Variants in HTATIP2 observed in about 807,000 individuals in gnomAD.
The protein encoded by HTATIP2 is HIV-1 Tat interactive protein 2.
HTATIP2 carries 26 observed loss-of-function variants against 24.7 expected under a neutral mutation model. The observed-to-expected ratio is 1.05, with a 90% CI of 0.77 to 1.46. The LOEUF is 1.46. HTATIP2 is among the 40% of genes most tolerant of loss of function. HTATIP2 has a pLI of 0.00. For missense variants in HTATIP2, 284 were observed against 289.6 expected (o/e 0.98, Z 0.14); for synonymous variants, 99 against 113.2 (o/e 0.87, Z 0.79).
Position 20,363,816 on chromosome 11 carries a change from C to A in HTATIP2, c.-422C>A, listed in dbSNP as rs2064659697. ...CAGGGAAGGTGGGATGCTCTGATGG[C>A]CGGGCCTGCGGCGCTGAGCGCGGCG... On this transcript the variant is annotated 5_prime_UTR_variant, in exon 1 of 5. Coordinates refer to ENST00000451739, the MANE Select transcript of HTATIP2 (RefSeq NM_001098522.2). The A allele has an allele frequency of 8.0e-6, 10 of 1,245,390 alleles. No homozygotes were observed. In the South Asian group the frequency reaches 4.0e-4, roughly 50 times the overall value. 77.1% of individuals were successfully genotyped at this position (1,245,390 alleles called of 1,614,324 possible). A position where few individuals can be genotyped will look rare whatever the true frequency, so the allele number is the denominator to read the frequency against.
At chr11:20,378,699 G>C (rs1385690504) in intron 3 of HTATIP2, among the ~76,000 whole-genome samples, 1 of 152,116 alleles carries the variant, frequency 6.6e-6, no homozygotes, top group Admixed American at 6.5e-5. Flanking sequence ...TATTCTGAGG[G>C]CTTTTATGTG....
chr11:20,382,077 G>A, intron 3 of HTATIP2, 101 bp from the exon 4 acceptor site: 1 of 708,704 alleles, frequency 1.4e-6, no homozygotes, highest in Non-Finnish European at 2.4e-6. Flanking sequence ...ATTGAGATCT[G>A]CAAAAGCAGA....
At chr11:20,373,033 T>C (rs2064788096) in intron 2 of HTATIP2, among the ~76,000 whole-genome samples, 1 of 152,246 alleles carries the variant, frequency 6.6e-6, no homozygotes, top group African/African-American at 2.4e-5. Context: ...GTATTTATAA[T>C]GAGCTTGAAG....
At chr11:20,373,622 A>C (rs1465381661) in intron 2 of HTATIP2, among the ~76,000 whole-genome samples, 1 of 152,246 alleles carries the variant, frequency 6.6e-6, no homozygotes, top group Non-Finnish European at 1.5e-5. Context: ...ACAACAAAAA[A>C]ACTGAATTTA....
chr11:20,367,707 T>G, intron 2 of HTATIP2: 1 of 1,081,230 alleles, frequency 9.2e-7, no homozygotes, highest in Non-Finnish European at 1.1e-6. Context: ...TGTCAAGCTT[T>G]AAACTTCTGG....
Position 20,363,778 on chromosome 11 carries a change from C to A in HTATIP2, c.-460C>A, listed in dbSNP as rs943869145. 4.0e-6 allele frequency: 5 copies of A among 1,240,418 alleles called. No homozygotes were observed. In the African/African-American group the frequency reaches 7.8e-5, roughly 19 times the overall value. The allele number at this position is 1,240,418 out of a possible 1,614,324, so 76.8% of individuals were successfully genotyped here. A position where few individuals can be genotyped will look rare whatever the true frequency, so the allele number is the denominator to read the frequency against. ...GGCGCTGTCTCCGTCGCCTCCAACCCCCCCGGTCCGACCAGGGAAGGTGGG... is the reference window on the plus strand; with the variant it reads ...GGCGCTGTCTCCGTCGCCTCCAACCACCCCGGTCCGACCAGGGAAGGTGGG... On this transcript the variant is annotated 5_prime_UTR_variant, in exon 1 of 5. Transcript: ENST00000451739.
chr11:20,369,469 A>C (rs1178654783), intron 2 of HTATIP2, among the ~76,000 whole-genome samples: 1 of 152,182 alleles, frequency 6.6e-6, no homozygotes, highest in East Asian at 1.9e-4. Flanking sequence ...TTAGTTTGCT[A>C]GGGCTGCCAT....
At chr11:20,367,367 G>A in intron 2 of HTATIP2, 86 bp downstream of exon 2, 1 of 1,601,986 alleles carries the variant, frequency 6.2e-7, no homozygotes, top group Non-Finnish European at 8.5e-7. Flanking sequence ...CTTTGTGCCT[G>A]TTGCAATGCT....
chr11:20,372,382 A>T (rs2064781066), intron 2 of HTATIP2, among the ~76,000 whole-genome samples: 1 of 152,246 alleles, frequency 6.6e-6, no homozygotes, highest in African/African-American at 2.4e-5. Flanking sequence ...AGATTAGAAG[A>T]AATACTTAGT....
At chr11:20,373,613 C>CAA (rs200957214) in intron 2 of HTATIP2, among the ~76,000 whole-genome samples, 1 of 151,140 alleles carries the variant, frequency 6.6e-6, no homozygotes, top group Non-Finnish European at 1.5e-5. Flanking sequence ...AAAACAACAA[C>CAA]AACAAAAAAA....
chr11:20,365,595 A>C (rs1472568398), intron 1 of HTATIP2, among the ~76,000 whole-genome samples: 1 of 152,210 alleles, frequency 6.6e-6, no homozygotes, highest in Non-Finnish European at 1.5e-5. Flanking sequence ...TTGTTTATTT[A>C]AAACAGACAT....
rs759547531 is a variant in HTATIP2, at chr11:20,382,255, A to T, written c.503+16A>T. ...TTAGGCCTGGGTAAGTATAATATTT[A>T]TACTGAATGAGAGTATGCCACTGAT... On this transcript the variant is annotated intron_variant, in intron 4 of 4. Transcript: ENST00000451739. 2 of 1,422,394 alleles carry T rather than the reference A, an allele frequency of 1.4e-6. No individual in the cohort carries two copies. Among genetic ancestry groups the T allele is most frequent in the Admixed American group, 3.4e-5 (2 of 59,032 alleles). The allele number at this position is 1,422,394 out of a possible 1,614,324, so 88.1% of individuals were successfully genotyped here.
At chr11:20,374,524 C>T (rs1848413013) in intron 2 of HTATIP2, among the ~76,000 whole-genome samples, 2 of 152,190 alleles carry the variant, frequency 1.3e-5, no homozygotes, top group South Asian at 4.1e-4. Flanking sequence ...CTGTGGTCCC[C>T]TTACCATCCT....
intron 3 of HTATIP2, among the ~76,000 whole-genome samples, chr11:20,378,311 C>CT (rs1045377470): frequency 2.7e-5 from 4 of 150,836 alleles, no homozygotes; most frequent in Admixed American, 6.6e-5. Flanking sequence ...ATCTGTTTTC[C>CT]TTTTTTTTTA....
intron 2 of HTATIP2, among the ~76,000 whole-genome samples, chr11:20,373,001 T>G (rs2064787703): frequency 6.6e-6 from 1 of 152,174 alleles, no homozygotes; most frequent in Non-Finnish European, 1.5e-5. Context: ...AAATTCAAAA[T>G]TTAGTGGGCT....
In HTATIP2 at chr11:20,363,756, GCTGT is replaced by G. The variant is rs2064658754; in HGVS notation, c.-479_-476del. The G allele has an allele frequency of 2.4e-6, 3 of 1,236,390 alleles. No homozygotes were observed. The allele number at this position is 1,236,390 out of a possible 1,614,324, so 76.6% of individuals were successfully genotyped here. ...ACCCGGAAGACCAAGCCGGGTAGGC[GCTGT>G]CTCCGTCGCCTCCAACCCCCCCGGT... On this transcript the variant is annotated 5_prime_UTR_variant, in exon 1 of 5. Coordinates refer to ENST00000451739, the MANE Select transcript of HTATIP2 (RefSeq NM_001098522.2).
At chr11:20,370,843 G>A (rs1408082936) in intron 2 of HTATIP2, among the ~76,000 whole-genome samples, 4 of 152,126 alleles carry the variant, frequency 2.6e-5, no homozygotes, top group Non-Finnish European at 4.4e-5. Flanking sequence ...TAGAGATGGG[G>A]TTTTACCGTG....
Position 20,376,566 on chromosome 11 carries a change from CT to C in HTATIP2, c.304-10del, listed in dbSNP as rs763020936. The C allele has an allele frequency of 6.2e-7, 1 of 1,613,454 alleles. No homozygotes were observed. The highest frequency in any genetic ancestry group is 8.5e-7 in the Non-Finnish European group (1 of 1,179,768). The stretch of plus-strand genomic sequence containing the variant: ...CTGCTTTTTGGAAATAACTCATGTC[CT>C]TTTCCCCCTTAGGAGGGATTTGTTC... On this transcript the variant is annotated splice_polypyrimidine_tract_variant and intron_variant, in intron 2 of 4. Transcript: ENST00000451739.
chr11:20,372,483 G>T (rs543306523), intron 2 of HTATIP2, among the ~76,000 whole-genome samples: 1 of 152,326 alleles, frequency 6.6e-6, no homozygotes, highest in Non-Finnish European at 1.5e-5. Context: ...ACTGAGTGTA[G>T]TATACTGTGT....
Sources: allele counts gnomAD v4.1 joint callset (sites outside exome capture counted in the v4.1 genomes callset), GRCh38; gene constraint gnomAD v4.1.1; transcripts MANE v1.5; gene names NCBI Gene and HGNC (gene_info 2026-07-23, HGNC 2026-07-21).